The following CAMK1D variants were observed in gnomAD, a reference collection of about 807,000 sequenced individuals.
The protein encoded by CAMK1D is calcium/calmodulin-dependent protein kinase type 1D.
Under a neutral mutation model 47.7 loss-of-function variants are expected in CAMK1D, and 9 were observed. The observed-to-expected ratio is 0.19, with a 90% CI of 0.11 to 0.33. The LOEUF is 0.33. Ranked by LOEUF, CAMK1D falls within the 10% of genes least tolerant of loss-of-function variation. The pLI is 1.00. For missense variants in CAMK1D, 291 were observed against 488.7 expected, an observed-to-expected ratio of 0.60 and a Z score of 3.81; for synonymous variants, 184 against 184.9, an observed-to-expected ratio of 0.99 and a Z score of 0.04.
At chr10:12,578,557 C>T (rs575223329) in intron 2 of CAMK1D, among the ~76,000 whole-genome samples, 101 of 131,300 alleles carry the variant, frequency 7.7e-4, no homozygotes, top group Admixed American at 3.6e-3. Context: ...GCAACAAGAG[C>T]TAAACTCCAT....
chr10:12,736,751 C>T (rs1037647023), intron 3 of CAMK1D, among the ~76,000 whole-genome samples: 3 of 152,176 alleles, frequency 2.0e-5, no homozygotes, highest in Non-Finnish European at 2.9e-5. Context: ...TGGCCGCTCT[C>T]GCCAGAGCCA....
At chr10:12,524,106 A>G (rs1835537760) in intron 1 of CAMK1D, among the ~76,000 whole-genome samples, 1 of 151,746 alleles carries the variant, frequency 6.6e-6, no homozygotes, top group African/African-American at 2.4e-5. Context: ...GTTAGCCAGG[A>G]TGGTCTTGAT....
chr10:12,774,603 C>T (rs916745017), intron 5 of CAMK1D, among the ~76,000 whole-genome samples: 2 of 152,300 alleles, frequency 1.3e-5, no homozygotes, highest in Admixed American at 1.3e-4. Context: ...TTAACAGCTT[C>T]CCTCTAGGAC....
chr10:12,538,230 C>T (rs896911659), intron 1 of CAMK1D, among the ~76,000 whole-genome samples: 3 of 152,128 alleles, frequency 2.0e-5, no homozygotes, highest in Admixed American at 6.6e-5. Context: ...AAACATGGTC[C>T]GTATCATTGC....
chr10:12,614,790 CTGT>C (rs1838732681), intron 2 of CAMK1D, among the ~76,000 whole-genome samples: 1 of 152,238 alleles, frequency 6.6e-6, no homozygotes, highest in Non-Finnish European at 1.5e-5. Flanking sequence ...GGGCTACCAG[CTGT>C]TGTTATACTG....
At position 12,551,566 on chromosome 10, in the gene CAMK1D, G is replaced by A. The variant is rs977911727; in HGVS notation, c.93-1659G>A. On this transcript the variant is annotated intron_variant, in intron 1 of 10. Coordinates refer to ENST00000619168, the MANE Select transcript of CAMK1D (RefSeq NM_153498.4). ...GGTCAGGACTTCGAGACCAGCCTGG[G>A]AAACATGGTGAAAATACAAAAATTA... Among the ~76,000 whole-genome samples, 4 of 152,062 alleles carry A rather than the reference G, an allele frequency of 2.6e-5. No homozygotes were observed. In the East Asian group the frequency reaches 7.7e-4, roughly 29 times the overall value.
intron 3 of CAMK1D, among the ~76,000 whole-genome samples, chr10:12,686,632 T>G (rs1832676615): frequency 6.6e-6 from 1 of 152,098 alleles, no homozygotes; most frequent in African/African-American, 2.4e-5. Flanking sequence ...CCATATATAC[T>G]TTTATTTATG....
chr10:12,533,981 C>G (rs1384866292), intron 1 of CAMK1D, among the ~76,000 whole-genome samples: 2 of 152,164 alleles, frequency 1.3e-5, no homozygotes, highest in Non-Finnish European at 2.9e-5. Context: ...AAGAATCTGC[C>G]TGATAGCTGA....
chr10:12,367,511 A>G (rs1478087380), intron 1 of CAMK1D, among the ~76,000 whole-genome samples: 3 of 151,886 alleles, frequency 2.0e-5, no homozygotes, highest in Non-Finnish European at 4.4e-5. Context: ...CTATTATTAT[A>G]TTAAAATATA....
At chr10:12,581,303 G>C (rs1837657002) in intron 2 of CAMK1D, among the ~76,000 whole-genome samples, 1 of 152,202 alleles carries the variant, frequency 6.6e-6, no homozygotes, top group Admixed American at 6.5e-5. Context: ...GGGCATTTGA[G>C]CTGGTTCCAT....
intron 2 of CAMK1D, among the ~76,000 whole-genome samples, chr10:12,584,759 G>A (rs1037734075): frequency 1.3e-5 from 2 of 152,166 alleles, no homozygotes; most frequent in Admixed American, 1.3e-4. Context: ...GGTCAAAGCT[G>A]CAGTGAGCAA....
chr10:12,722,514 A>G (rs1430895826), intron 3 of CAMK1D, among the ~76,000 whole-genome samples: 1 of 151,926 alleles, frequency 6.6e-6, no homozygotes, highest in Admixed American at 6.6e-5. Flanking sequence ...GTAAGTTACA[A>G]AGTTATCCCC....
At chr10:12,405,415 G>C (rs1159845321) in intron 1 of CAMK1D, among the ~76,000 whole-genome samples, 1 of 152,174 alleles carries the variant, frequency 6.6e-6, no homozygotes, top group East Asian at 1.9e-4. Flanking sequence ...CAGTGATACA[G>C]CTGTAATATG....
intron 3 of CAMK1D, among the ~76,000 whole-genome samples, chr10:12,667,931 A>C (rs546216527): frequency 1.3e-5 from 2 of 152,368 alleles, no homozygotes; most frequent in East Asian, 1.9e-4. Flanking sequence ...AAAGCTGTCT[A>C]TGCCAGAAGC....
intron 1 of CAMK1D, among the ~76,000 whole-genome samples, chr10:12,542,481 C>G (rs1836227882): frequency 6.6e-6 from 1 of 152,166 alleles, no homozygotes; most frequent in Non-Finnish European, 1.5e-5. Flanking sequence ...ATTTCTTGGT[C>G]TAATTTGGGA....
At chr10:12,465,752 C>A (rs1007147444) in intron 1 of CAMK1D, among the ~76,000 whole-genome samples, 32 of 152,190 alleles carry the variant, frequency 2.1e-4, no homozygotes, top group African/African-American at 7.5e-4. Flanking sequence ...CCCTTTGGTG[C>A]TGCAGTGTGG....
chr10:12,584,135 G>T (rs570665745), intron 2 of CAMK1D, among the ~76,000 whole-genome samples: 1 of 152,192 alleles, frequency 6.6e-6, no homozygotes, highest in Non-Finnish European at 1.5e-5. Flanking sequence ...TGTGAGTGCA[G>T]ATTCTTAAAG....
intron 1 of CAMK1D, among the ~76,000 whole-genome samples, chr10:12,549,551 G>A (rs1462438689): frequency 6.6e-6 from 1 of 152,182 alleles, no homozygotes; most frequent in Non-Finnish European, 1.5e-5. Flanking sequence ...TTTCACTTCT[G>A]GGTATAGACC....
intron 3 of CAMK1D, among the ~76,000 whole-genome samples, chr10:12,681,256 C>G (rs1367625182): frequency 6.6e-6 from 1 of 152,218 alleles, no homozygotes; most frequent in African/African-American, 2.4e-5. Context: ...TGACAACAAC[C>G]CCTTAATTTC....
Sources: allele counts gnomAD v4.1 joint callset (sites outside exome capture counted in the v4.1 genomes callset), GRCh38; gene constraint gnomAD v4.1.1; transcripts MANE v1.5; gene names NCBI Gene and HGNC (gene_info 2026-07-23, HGNC 2026-07-21).